ANKRD30B: variants seen among roughly 807,000 people sequenced by gnomAD.
ANKRD30B encodes the protein ankyrin repeat domain 30B.
In ANKRD30B, 144 loss-of-function variants were observed where a neutral mutation model predicts 202.2. The observed-to-expected ratio is 0.71, with a 90% CI of 0.62 to 0.82. The LOEUF is 0.82. Ranked by LOEUF, ANKRD30B falls within the 40% of genes least tolerant of loss-of-function variation. The pLI is 0.00. For synonymous variants in ANKRD30B, 508 were observed against 561.3 expected (o/e 0.91, Z 1.34); for missense variants, 1,487 against 1,669.1 (o/e 0.89, Z 1.90).
chr18:14,791,599 C>A, intron 16 of ANKRD30B, 108 bp downstream of exon 16: 1 of 841,290 alleles, frequency 1.2e-6, no homozygotes, highest in Admixed American at 2.9e-5. Context: ...TAATGCAAAG[C>A]ACAGAAAAAA....
At chr18:14,871,718 C>A in the ANKRD30B span, among the ~76,000 whole-genome samples, 1 of 151,876 alleles carries the variant, frequency 6.6e-6, no homozygotes, top group Admixed American at 6.6e-5. Context: ...CATAGCAAGA[C>A]CCTGTCCCTA....
At chr18:14,811,250 C>G (rs1222990664) in intron 28 of ANKRD30B, among the ~76,000 whole-genome samples, 4 of 151,606 alleles carry the variant, frequency 2.6e-5, no homozygotes, top group Non-Finnish European at 5.9e-5. Context: ...CTCGTTGTCT[C>G]GCCCAGGCTG....
chr18:14,789,590 G>C (rs1199506134), intron 15 of ANKRD30B, among the ~76,000 whole-genome samples: 1 of 152,212 alleles, frequency 6.6e-6, no homozygotes, highest in East Asian at 1.9e-4. Context: ...AAGGGATCCA[G>C]TTTCAGCTTT....
chr18:14,863,179 G>T, the ANKRD30B span, among the ~76,000 whole-genome samples: 3 of 152,144 alleles, frequency 2.0e-5, no homozygotes, highest in Non-Finnish European at 2.9e-5. Context: ...GATTTGGTGG[G>T]CATAGGTGTG....
At chr18:14,776,134 A>T (rs1236289417) in intron 9 of ANKRD30B, among the ~76,000 whole-genome samples, 4 of 152,194 alleles carry the variant, frequency 2.6e-5, no homozygotes, top group African/African-American at 4.8e-5. Context: ...CTACTACTGC[A>T]GATTTTCCAT....
At chr18:14,882,486 A>G in the ANKRD30B span, among the ~76,000 whole-genome samples, 1 of 152,030 alleles carries the variant, frequency 6.6e-6, no homozygotes, top group African/African-American at 2.4e-5. Flanking sequence ...TACAATTTCA[A>G]TTTTCTTCAA....
At chr18:14,852,637 A>C in intron 42 of ANKRD30B, 1 of 473,812 alleles carries the variant, frequency 2.1e-6, no homozygotes, top group Non-Finnish European at 3.3e-6. Context: ...AAATTATAAG[A>C]GTTTAAGTTA....
At chr18:14,852,855 T>C (rs1399748352) in intron 42 of ANKRD30B, 1 of 152,556 alleles carries the variant, frequency 6.6e-6, no homozygotes, top group East Asian at 1.9e-4. Flanking sequence ...CAGAAGTGTA[T>C]TTGAAGTATA....
At chr18:14,839,351 C>G (rs1366735159) in intron 36 of ANKRD30B, among the ~76,000 whole-genome samples, 2 of 152,172 alleles carry the variant, frequency 1.3e-5, no homozygotes. Flanking sequence ...AATCTCCCAT[C>G]TCAAAGATGA....
intron 33 of ANKRD30B, among the ~76,000 whole-genome samples, chr18:14,829,466 A>G (rs1389658936): frequency 6.6e-6 from 1 of 152,204 alleles, no homozygotes; most frequent in East Asian, 1.9e-4. Flanking sequence ...AATTAGCTGG[A>G]AAACCCAGTA....
At chr18:14,749,122 G>A (rs550027090) in intron 1 of ANKRD30B, among the ~76,000 whole-genome samples, 1 of 152,278 alleles carries the variant, frequency 6.6e-6, no homozygotes, top group East Asian at 1.9e-4. Flanking sequence ...ATCAATGAAT[G>A]TCTATGTAAA....
intron 39 of ANKRD30B, among the ~76,000 whole-genome samples, chr18:14,844,088 A>G (rs1413120096): frequency 6.6e-6 from 1 of 152,150 alleles, no homozygotes; most frequent in Non-Finnish European, 1.5e-5. Context: ...GATCAGCATT[A>G]TATTGTTAGA....
At chr18:14,913,574 T>G in the ANKRD30B span, among the ~76,000 whole-genome samples, 2 of 152,254 alleles carry the variant, frequency 1.3e-5, no homozygotes, top group African/African-American at 4.8e-5. Context: ...AAGAGCAATA[T>G]TTGACATCAG....
At chr18:14,750,931 T>G (rs1913337003) in intron 1 of ANKRD30B, among the ~76,000 whole-genome samples, 1 of 152,042 alleles carries the variant, frequency 6.6e-6, no homozygotes, top group Admixed American at 6.5e-5. Flanking sequence ...TTTTTTATCT[T>G]TGATTTCTGC....
chr18:14,901,656 A>T, the ANKRD30B span, among the ~76,000 whole-genome samples: 1 of 151,586 alleles, frequency 6.6e-6, no homozygotes, highest in African/African-American at 2.4e-5. Flanking sequence ...CTTTCTTTCT[A>T]CCTGATCCCT....
At chr18:14,787,721 C>G (rs939508770) in intron 15 of ANKRD30B, among the ~76,000 whole-genome samples, 1 of 152,068 alleles carries the variant, frequency 6.6e-6, no homozygotes, top group Non-Finnish European at 1.5e-5. Context: ...CACTTTATGG[C>G]AGTGAAGCTG....
At chr18:14,932,435 C>A in the ANKRD30B span, among the ~76,000 whole-genome samples, 1 of 152,172 alleles carries the variant, frequency 6.6e-6, no homozygotes. Context: ...CTCCCGGGTT[C>A]ACGACATTCT....
chr18:14,932,592 C>G, the ANKRD30B span, among the ~76,000 whole-genome samples: 1 of 152,210 alleles, frequency 6.6e-6, no homozygotes. Context: ...CCCGCTTCCC[C>G]CTCCCAAAGT....
At chr18:14,754,591 T>C (rs1051819094) in intron 3 of ANKRD30B, among the ~76,000 whole-genome samples, 5 of 152,110 alleles carry the variant, frequency 3.3e-5, no homozygotes, top group African/African-American at 1.2e-4. Context: ...TTTAAGGATA[T>C]AGAGATAAAA....
Sources: allele counts gnomAD v4.1 joint callset (sites outside exome capture counted in the v4.1 genomes callset), GRCh38; gene constraint gnomAD v4.1.1; transcripts MANE v1.5; gene names NCBI Gene and HGNC (gene_info 2026-07-23, HGNC 2026-07-21).